CCSER1: variants seen among roughly 807,000 people sequenced by gnomAD.
CCSER1 encodes the protein serine-rich coiled-coil domain-containing protein 1.
In CCSER1, 41 loss-of-function variants were observed where a neutral mutation model predicts 82.0. The observed-to-expected ratio is 0.50, with a 90% CI of 0.39 to 0.65. CCSER1 has a LOEUF of 0.65. CCSER1 is among the 30% of genes least tolerant of loss of function. The probability of loss-of-function intolerance (pLI) is 0.00; values close to 1 mark genes in which losing one functional copy is unlikely to be tolerated. For missense variants in CCSER1, 1,119 were observed against 1,064.2 expected, an observed-to-expected ratio of 1.05 and a Z score of -0.72; for synonymous variants, 414 against 383.9, an observed-to-expected ratio of 1.08 and a Z score of -0.92.
At chr4:91,116,738 C>T (rs906423663) in intron 10 of CCSER1, among the ~76,000 whole-genome samples, 3 of 152,066 alleles carry the variant, frequency 2.0e-5, no homozygotes, top group Non-Finnish European at 4.4e-5. Context: ...AACAGGCTGC[C>T]TTGTTTGGTC....
intron 8 of CCSER1, among the ~76,000 whole-genome samples, chr4:90,901,802 T>G (rs1724699162): frequency 6.6e-6 from 1 of 151,968 alleles, no homozygotes; most frequent in Non-Finnish European, 1.5e-5. Flanking sequence ...TTACAGGTGG[T>G]CTCTGATTTT....
intron 7 of CCSER1, among the ~76,000 whole-genome samples, chr4:90,728,962 A>G (rs1413408254): frequency 6.6e-6 from 1 of 152,242 alleles, no homozygotes; most frequent in African/African-American, 2.4e-5. Context: ...TTAATAAAGC[A>G]GAAAAGAGAA....
At chr4:91,374,642 C>T (rs1020362879) in intron 10 of CCSER1, among the ~76,000 whole-genome samples, 5 of 152,220 alleles carry the variant, frequency 3.3e-5, no homozygotes, top group African/African-American at 9.6e-5. Flanking sequence ...GCTAACACAA[C>T]ATTCATTCTG....
intron 10 of CCSER1, among the ~76,000 whole-genome samples, chr4:91,424,118 G>A (rs1753835951): frequency 7.1e-6 from 1 of 140,916 alleles, no homozygotes; most frequent in African/African-American, 2.6e-5. Context: ...CCGGGTTCAC[G>A]CCATTCTCCT....
At chr4:91,488,876 G>A (rs1453523387) in intron 10 of CCSER1, among the ~76,000 whole-genome samples, 1 of 152,138 alleles carries the variant, frequency 6.6e-6, no homozygotes, top group East Asian at 1.9e-4. Context: ...GTACTGCATT[G>A]TAGTAAGGGT....
rs117704454 is a variant in CCSER1, at chr4:90,601,873, A to G, written c.1725-26152A>G. Among the ~76,000 whole-genome samples the G allele has an allele frequency of 8.5e-4, 129 of 152,096 alleles. 1 individual carries two copies. In the East Asian group the frequency reaches 0.017, roughly 20 times the overall value. Reference sequence around the variant, plus strand: ...TTGGAGATTATTCAGGGATTTTTCTATCACTAATCTTTATTTTAATTTTAT... The same window carrying G: ...TTGGAGATTATTCAGGGATTTTTCTGTCACTAATCTTTATTTTAATTTTAT... On this transcript the variant is annotated intron_variant, in intron 5 of 10. Coordinates refer to ENST00000509176, the MANE Select transcript of CCSER1 (RefSeq NM_001145065.2).
chr4:90,845,675 G>A (rs1203615868), intron 8 of CCSER1, among the ~76,000 whole-genome samples: 2 of 151,878 alleles, frequency 1.3e-5, no homozygotes, highest in Admixed American at 1.3e-4. Context: ...CTTGAATTCA[G>A]GATTCATATT....
chr4:90,782,685 C>CTTTTTTTTTTTTT (rs61457393), intron 7 of CCSER1, among the ~76,000 whole-genome samples: 1 of 133,982 alleles, frequency 7.5e-6, no homozygotes, highest in African/African-American at 2.8e-5. Context: ...TTCTTTCTTT[C>CTTTTTTTTTTTTT]TTTTTTTTTT....
chr4:91,555,806 G>A (rs1762372994), intron 10 of CCSER1, among the ~76,000 whole-genome samples: 2 of 150,912 alleles, frequency 1.3e-5, no homozygotes, highest in African/African-American at 2.4e-5. Flanking sequence ...ATAACATTTT[G>A]TACTTACAGA....
intron 8 of CCSER1, among the ~76,000 whole-genome samples, chr4:90,854,562 C>T (rs967445597): frequency 1.3e-5 from 2 of 152,076 alleles, no homozygotes; most frequent in Non-Finnish European, 2.9e-5. Flanking sequence ...AAGACACTTC[C>T]CTGAGTTCTC....
chr4:90,297,767 T>C (rs1264716098), intron 1 of CCSER1, among the ~76,000 whole-genome samples: 1 of 152,086 alleles, frequency 6.6e-6, no homozygotes, highest in Non-Finnish European at 1.5e-5. Flanking sequence ...GGTTTTTGTC[T>C]TTGGTTCTGT....
rs1042490887 is a variant in CCSER1, at chr4:90,724,011, G to A, written c.2010+20G>A. The A allele has an allele frequency of 2.1e-6, 3 of 1,431,752 alleles. No homozygotes were observed. Among genetic ancestry groups the A allele is most frequent in the African/African-American group, 2.8e-5 (2 of 70,856 alleles). 88.7% of individuals were successfully genotyped at this position (1,431,752 alleles called of 1,614,324 possible). A position where few individuals can be genotyped will look rare whatever the true frequency, so the allele number is the denominator to read the frequency against. ...TTCAAGGTAAAAAACAAACAAGAAA[G>A]CATTATTTATAAAAATATTAGGATA... On this transcript the variant is annotated intron_variant, in intron 7 of 10. Transcript: ENST00000509176.
chr4:90,309,174 C>T lies in CCSER1; in HGVS notation c.890C>T (p.Ser297Phe), dbSNP rs778384943. The T allele has an allele frequency of 7.4e-6, 12 of 1,613,786 alleles. No homozygotes were observed. The highest frequency in any genetic ancestry group is 1.3e-5 in the African/African-American group (1 of 74,910). ...FGHNDSTSQM[S>F]LNSAAVTKTT... ...CACAATGATTCTACCTCTCAGATGT[C>T]CCTCAATTCTGCTGCTGTTACAAAG... The change falls in exon 2 of 11, where the codon TCC (serine) becomes TTC (phenylalanine). Residue 297 changes from serine (S) to phenylalanine (F), a missense_variant. Transcript: ENST00000509176.
rs903053028 is a variant in CCSER1, at chr4:91,236,431, C to T, written c.2217+150437C>T. Among the ~76,000 whole-genome samples the T allele has an allele frequency of 7.9e-5, 12 of 151,584 alleles. No homozygotes were observed. In the South Asian group the frequency reaches 1.0e-3, roughly 13 times the overall value. The stretch of plus-strand genomic sequence containing the variant: ...CCGGGAGGTGGAGGTTGCAGTGAGC[C>T]GAGATCACACCACTGCACTCCAGCC... On this transcript the variant is annotated intron_variant, in intron 10 of 10. Transcript: ENST00000509176.
chr4:91,502,588 A>G (rs1560721223), intron 10 of CCSER1, among the ~76,000 whole-genome samples: 2 of 152,150 alleles, frequency 1.3e-5, no homozygotes, highest in Non-Finnish European at 2.9e-5. Flanking sequence ...TGAAGCACTA[A>G]AAGACCTCTT....
chr4:91,021,628 A>C (rs186192349), intron 9 of CCSER1, among the ~76,000 whole-genome samples: 1 of 152,182 alleles, frequency 6.6e-6, no homozygotes, highest in African/African-American at 2.4e-5. Context: ...CCATTAACTT[A>C]GGCTGAACCA....
intron 1 of CCSER1, among the ~76,000 whole-genome samples, chr4:90,183,683 T>G (rs1734109864): frequency 1.3e-5 from 2 of 152,172 alleles, no homozygotes; most frequent in African/African-American, 4.8e-5. Context: ...TGACTAGATT[T>G]TTTACCTCAA....
intron 6 of CCSER1, among the ~76,000 whole-genome samples, chr4:90,706,521 C>G (rs1348494106): frequency 2.0e-5 from 3 of 152,030 alleles, no homozygotes; most frequent in African/African-American, 7.2e-5. Context: ...ATCTTAATAG[C>G]AGAGATTTTT....
In CCSER1 at chr4:90,425,923, T is replaced by A. The variant is rs376830102; in HGVS notation, c.1603+25794T>A. On this transcript the variant is annotated intron_variant, in intron 4 of 10. Transcript: ENST00000509176. Reference sequence around the variant, plus strand: ...GTCTAATGGAAGATTCTATTTTTTTTAAAAAAAAAACGTTAATGAAGAAAA... The same window carrying A: ...GTCTAATGGAAGATTCTATTTTTTTAAAAAAAAAAACGTTAATGAAGAAAA... 6.2e-3 allele frequency among the ~76,000 whole-genome samples: 922 copies of A among 148,190 alleles called. 5 individuals are homozygous for A. Among genetic ancestry groups the A allele is most frequent in the Middle Eastern group, 0.017 (5 of 290 alleles).
Sources: gnomAD v4.1 joint callset for allele counts (sites outside exome capture counted in the v4.1 genomes callset) on GRCh38, gnomAD v4.1.1 for gene constraint, MANE v1.5 for transcripts, NCBI Gene and HGNC (gene_info 2026-07-23, HGNC 2026-07-21) for gene names.